RPS6KA5: variants seen among roughly 807,000 people sequenced by gnomAD.
RPS6KA5 encodes ribosomal protein S6 kinase A5.
In RPS6KA5, 27 loss-of-function variants were observed where a neutral mutation model predicts 85.5. That is an observed-to-expected ratio of 0.32 (90% CI 0.23 to 0.44). The LOEUF is 0.44. Among genes scored for constraint, RPS6KA5 ranks in the 20% least tolerant of loss-of-function variants. RPS6KA5 has a pLI of 1.00. For missense variants in RPS6KA5, 811 were observed against 980.9 expected (o/e 0.83, Z 2.31); for synonymous variants, 334 against 348.2 (o/e 0.96, Z 0.46).
intron 3 of RPS6KA5, among the ~76,000 whole-genome samples, chr14:90,966,653 C>T (rs553850225): frequency 6.6e-6 from 1 of 152,298 alleles, no homozygotes; most frequent in South Asian, 2.1e-4. Context: ...GGATCTGGCA[C>T]CAAAGAGGCA....
At chr14:90,907,972 C>T (rs1382505338) in intron 7 of RPS6KA5, among the ~76,000 whole-genome samples, 1 of 152,184 alleles carries the variant, frequency 6.6e-6, no homozygotes, top group Non-Finnish European at 1.5e-5. Flanking sequence ...GTGACATTTA[C>T]TTTTGTTGAA....
At chr14:90,894,614 C>A (rs757522995) in intron 12 of RPS6KA5, 31 bp from the exon 13 acceptor site, 1 of 1,605,184 alleles carries the variant, frequency 6.2e-7, no homozygotes. Flanking sequence ...CGTGGAGGGC[C>A]TTCCTGAAGC....
chr14:90,952,394 C>T (rs1281504990), intron 3 of RPS6KA5, among the ~76,000 whole-genome samples: 1 of 152,234 alleles, frequency 6.6e-6, no homozygotes, highest in East Asian at 1.9e-4. Context: ...CCCCTCAGTA[C>T]ATTTAATTAA....
intron 3 of RPS6KA5, among the ~76,000 whole-genome samples, chr14:90,967,700 G>A (rs1451667955): frequency 1.3e-5 from 2 of 152,108 alleles, no homozygotes; most frequent in Non-Finnish European, 2.9e-5. Context: ...TTTTATTCAA[G>A]TGCAATTAAC....
At chr14:90,987,121 A>C (rs944326434) in intron 2 of RPS6KA5, among the ~76,000 whole-genome samples, 2 of 152,222 alleles carry the variant, frequency 1.3e-5, no homozygotes, top group African/African-American at 4.8e-5. Flanking sequence ...ACTTACATAA[A>C]CATTGTAGGC....
intron 3 of RPS6KA5, among the ~76,000 whole-genome samples, chr14:90,951,456 CAG>C (rs1756076444): frequency 6.6e-6 from 1 of 152,060 alleles, no homozygotes; most frequent in African/African-American, 2.4e-5. Context: ...GCCTGGGCGA[CAG>C]AGTGAGACTC....
At chr14:91,057,914 G>A (rs532651785) in intron 1 of RPS6KA5, among the ~76,000 whole-genome samples, 3 of 152,234 alleles carry the variant, frequency 2.0e-5, no homozygotes, top group Admixed American at 6.5e-5. Context: ...CTGCAGAGAC[G>A]GGATTTAGAA....
intron 11 of RPS6KA5, 62 bp from the exon 12 acceptor site, chr14:90,899,484 C>T (rs114303120): frequency 0.024 from 25,571 of 1,064,314 alleles, 370 homozygotes; most frequent in South Asian, 0.038. Flanking sequence ...ATCAGTACTG[C>T]CCCAAGACTA....
In RPS6KA5 at chr14:90,980,582, T is replaced by C. The variant is rs976212957; in HGVS notation, c.176-2058A>G. Among the ~76,000 whole-genome samples, 11 of 152,126 alleles carry C rather than the reference T, an allele frequency of 7.2e-5. No homozygotes were observed. In the East Asian group the frequency reaches 2.1e-3, roughly 29 times the overall value. ...TTCTTACAACATTCCTATAAGGAGGTGAGAACTATTATCTCCATTTTATAA... is the reference window on the plus strand; with the variant it reads ...TTCTTACAACATTCCTATAAGGAGGCGAGAACTATTATCTCCATTTTATAA... On this transcript the variant is annotated intron_variant, in intron 2 of 16. Transcript: ENST00000614987.
At chr14:90,963,203 T>G (rs1245063176) in intron 3 of RPS6KA5, among the ~76,000 whole-genome samples, 2 of 152,192 alleles carry the variant, frequency 1.3e-5, no homozygotes, top group Non-Finnish European at 2.9e-5. Context: ...TCTTTTGTTT[T>G]CTCATGATGC....
intron 7 of RPS6KA5, among the ~76,000 whole-genome samples, chr14:90,912,837 G>T (rs1286132): frequency 0.8 from 120,696 of 150,812 alleles, 48,626 homozygotes; most frequent in East Asian, 0.97. Context: ...CAGTAACTCT[G>T]GGAGTCGTCC....
intron 3 of RPS6KA5, among the ~76,000 whole-genome samples, chr14:90,963,005 C>A (rs2038884199): frequency 6.6e-6 from 1 of 152,292 alleles, no homozygotes; most frequent in African/African-American, 2.4e-5. Context: ...ATTCCCTATT[C>A]AAATTTGGCC....
In RPS6KA5 at chr14:90,872,242, T is replaced by G; in HGVS notation, c.2241A>C (p.Lys747Asn). 1 of 1,614,042 alleles carries G rather than the reference T, an allele frequency of 6.2e-7. No homozygotes were observed. Among genetic ancestry groups the G allele is most frequent in the African/African-American group, 1.3e-5 (1 of 75,012 alleles). ...KAPLAKRRKM[K>N]KTSTSTETRS... ...GCGTCTCGGTACTGGTGCTAGTCTT[T>G]TTCATTTTTCTTCTCTTAGCCAAAG... The change falls in exon 17 of 17, where the codon AAA (lysine) becomes AAC (asparagine). Residue 747 changes from lysine (K) to asparagine (N), a missense_variant. Transcript: ENST00000614987.
chr14:90,854,655 G>GT lies in RPS6KA5; in HGVS notation c.*17418dup, dbSNP rs1397483292. ...GACTTTACTCAAATATCTAAAAGAC[G>GT]TATCAGACTCACTCAGTAAAAAATA... On this transcript the variant is annotated 3_prime_UTR_variant, in exon 17 of 17. Transcript: ENST00000614987. 1 of 152,026 alleles carries GT rather than the reference G, an allele frequency of 6.6e-6. No homozygotes were observed. The highest frequency in any genetic ancestry group is 1.5e-5 in the Non-Finnish European group (1 of 67,968). 9.4% of individuals were successfully genotyped at this position (152,026 alleles called of 1,614,324 possible).
At chr14:90,882,518 C>T (rs576263457) in intron 14 of RPS6KA5, among the ~76,000 whole-genome samples, 1 of 152,320 alleles carries the variant, frequency 6.6e-6, no homozygotes, top group Admixed American at 6.5e-5. Context: ...CCTTTCTTGT[C>T]AGCCTGCAGG....
At chr14:90,885,281 G>A (rs1595123179) in intron 14 of RPS6KA5, among the ~76,000 whole-genome samples, 5 of 146,384 alleles carry the variant, frequency 3.4e-5, no homozygotes, top group South Asian at 2.2e-4. Context: ...TGCTGGGCAC[G>A]GTGGCTCACA....
intron 3 of RPS6KA5, among the ~76,000 whole-genome samples, chr14:90,973,252 C>T (rs533214411): frequency 2.0e-5 from 3 of 152,116 alleles, no homozygotes; most frequent in Non-Finnish European, 2.9e-5. Context: ...ACCAGCCTAG[C>T]CAACATGGTG....
At chr14:90,961,010 G>T (rs985714262) in intron 3 of RPS6KA5, among the ~76,000 whole-genome samples, 9 of 152,164 alleles carry the variant, frequency 5.9e-5, no homozygotes, top group African/African-American at 2.2e-4. Context: ...AACCAGATAG[G>T]CAGGGGAAGT....
At chr14:90,950,592 T>C (rs1007883680) in intron 3 of RPS6KA5, among the ~76,000 whole-genome samples, 1 of 152,234 alleles carries the variant, frequency 6.6e-6, no homozygotes, top group African/African-American at 2.4e-5. Flanking sequence ...AGCGTTATTA[T>C]GAAGGAGTTG....
Sources: allele counts gnomAD v4.1 joint callset (sites outside exome capture counted in the v4.1 genomes callset), GRCh38; gene constraint gnomAD v4.1.1; transcripts MANE v1.5; gene names NCBI Gene and HGNC (gene_info 2026-07-23, HGNC 2026-07-21).